BRWD1: variants seen among roughly 807,000 people sequenced by gnomAD.
BRWD1 encodes the protein bromodomain and WD repeat domain containing 1.
Under a neutral mutation model 251.2 loss-of-function variants are expected in BRWD1, and 82 were observed. That is an observed-to-expected ratio of 0.33 (90% CI 0.27 to 0.39). BRWD1 has a LOEUF of 0.39. Among genes scored for constraint, BRWD1 ranks in the 10% least tolerant of loss-of-function variants. BRWD1 has a pLI of 1.00. For missense variants in BRWD1, 2,233 were observed against 2,711.6 expected (o/e 0.82, Z 3.92); for synonymous variants, 918 against 902.8 (o/e 1.02, Z -0.30).
intron 29 of BRWD1, among the ~76,000 whole-genome samples, chr21:39,223,316 TA>T (rs1242824620): frequency 6.6e-6 from 1 of 152,058 alleles, no homozygotes; most frequent in African/African-American, 2.4e-5. Context: ...TAAAGTGCTA[TA>T]AAAAATGGAG....
At chr21:39,256,278 A>G (rs1244210959) in intron 18 of BRWD1, among the ~76,000 whole-genome samples, 2 of 152,240 alleles carry the variant, frequency 1.3e-5, no homozygotes, top group African/African-American at 4.8e-5. Flanking sequence ...CTTCTTAAAA[A>G]TTGCACACTA....
At chr21:39,289,774 CAGCACTTTGCGAGGCCGAGGCGG>C (rs2035750617) in intron 8 of BRWD1, among the ~76,000 whole-genome samples, 1 of 152,022 alleles carries the variant, frequency 6.6e-6, no homozygotes, top group Non-Finnish European at 1.5e-5. Flanking sequence ...CCTGTAATCC[CAGCACTTTGCGAGGCCGAGGCGG>C]GCGGATCATG....
At position 39,232,294 on chromosome 21, in the gene BRWD1, G is replaced by A; in HGVS notation, c.2893-10C>T. On this transcript the variant is annotated splice_polypyrimidine_tract_variant and intron_variant, in intron 24 of 40. Transcript: ENST00000342449. ...GTCGAAAATATATTACCTACAAAAG[G>A]GAAATATGCATTTAAAAATTAAGAG... The A allele has an allele frequency of 6.2e-7, 1 of 1,602,972 alleles. No homozygotes were observed. The highest frequency in any genetic ancestry group is 1.1e-5 in the South Asian group (1 of 88,694).
At chr21:39,227,245 C>A (rs1157100738) in intron 27 of BRWD1, among the ~76,000 whole-genome samples, 1 of 152,182 alleles carries the variant, frequency 6.6e-6, no homozygotes, top group Non-Finnish European at 1.5e-5. Flanking sequence ...CCAGATGACA[C>A]AGCCTGGGTA....
chr21:39,318,471 A>C (rs12151994), upstream of BRWD1, among the ~76,000 whole-genome samples: 46,530 of 152,074 alleles, frequency 0.31, 7,582 homozygotes, highest in Middle Eastern at 0.36. Flanking sequence ...CAACATCAGC[A>C]TACCTCTGAA....
Position 39,189,401 on chromosome 21 carries a change from A to T in BRWD1, c.*6858T>A. 1.0e-6 allele frequency: 1 copy of T among 974,154 alleles called. No homozygotes were observed. Among genetic ancestry groups the T allele is most frequent in the Non-Finnish European group, 1.2e-6 (1 of 819,706 alleles). The allele number at this position is 974,154 out of a possible 1,614,324, so 60.3% of individuals were successfully genotyped here. ...AAAGTACCTATACTGACAATTTAGG[A>T]ACCTAGTAAATACTAATTCTAACAC... On this transcript the variant is annotated 3_prime_UTR_variant, in exon 41 of 41. Transcript: ENST00000342449.
At chr21:39,236,555 A>G in intron 23 of BRWD1, 40 bp downstream of exon 23, 4 of 1,458,616 alleles carry the variant, frequency 2.7e-6, no homozygotes, top group Non-Finnish European at 3.7e-6. Context: ...AAGCTGGGGT[A>G]TCATGATACA....
At position 39,197,869 on chromosome 21, in the gene BRWD1, C is replaced by T. The variant is rs1481913169; in HGVS notation, c.5654-454G>A. ...CTAAGCAATGGAAATTTTTAACCTT[C>T]ATTATAATCTTATGAGACCACCACT... On this transcript the variant is annotated intron_variant, in intron 40 of 40. Coordinates refer to ENST00000342449, the MANE Select transcript of BRWD1 (RefSeq NM_033656.4). 3.3e-5 allele frequency among the ~76,000 whole-genome samples: 5 copies of T among 152,168 alleles called. 1 individual carries two copies. The South Asian group carries it at 8.3e-4, about 25-fold the overall frequency.
At chr21:39,297,215 A>C (rs2035984775) in intron 5 of BRWD1, 3 of 985,330 alleles carry the variant, frequency 3.0e-6, no homozygotes, top group Non-Finnish European at 3.6e-6. Flanking sequence ...TCATAACTCA[A>C]AGAAGAAAGG....
chr21:39,249,373 A>G (rs938047637), intron 20 of BRWD1, among the ~76,000 whole-genome samples: 1 of 152,232 alleles, frequency 6.6e-6, no homozygotes, highest in African/African-American at 2.4e-5. Flanking sequence ...TTAATGTTCA[A>G]ATATTAACTG....
At chr21:39,201,225 C>A (rs2032095009) in intron 38 of BRWD1, among the ~76,000 whole-genome samples, 1 of 152,108 alleles carries the variant, frequency 6.6e-6, no homozygotes, top group Non-Finnish European at 1.5e-5. Context: ...TACCAAAATA[C>A]TAGACACCAA....
intron 21 of BRWD1, among the ~76,000 whole-genome samples, chr21:39,244,231 A>T (rs1364121912): frequency 6.6e-6 from 1 of 151,838 alleles, no homozygotes; most frequent in Non-Finnish European, 1.5e-5. Flanking sequence ...TGCCTGGCTA[A>T]TTTTTTGTAT....
At position 39,186,673 on chromosome 21, in the gene BRWD1, GTTCAC is replaced by G. The variant is rs71330348; in HGVS notation, c.*9581_*9585del. ...GCATCAGGTTAAGATTTTGAAATTT[GTTCAC>G]TTCAAGTTCTTCCTAGCCTGTACAC... On this transcript the variant is annotated 3_prime_UTR_variant, in exon 41 of 41. Coordinates refer to ENST00000342449, the MANE Select transcript of BRWD1 (RefSeq NM_033656.4). The G allele has an allele frequency of 0.3, 50,100 of 165,844 alleles. 8,021 individuals carry two copies. Among genetic ancestry groups the G allele is most frequent in the Middle Eastern group, 0.36 (131 of 364 alleles). 10.3% of individuals were successfully genotyped at this position (165,844 alleles called of 1,614,324 possible).
chr21:39,269,742 A>G (rs1568934527), intron 15 of BRWD1, among the ~76,000 whole-genome samples, 157 bp downstream of exon 15: 1 of 152,178 alleles, frequency 6.6e-6, no homozygotes. Flanking sequence ...ATGTACGTAT[A>G]TACATGTAGC....
intron 23 of BRWD1, chr21:39,235,768 C>A: frequency 5.6e-6 from 1 of 178,634 alleles, no homozygotes; most frequent in South Asian, 1.3e-4. Context: ...ACATGAGCAC[C>A]CAGCAGGGCA....
chr21:39,235,651 C>A, intron 23 of BRWD1: 1 of 219,462 alleles, frequency 4.6e-6, no homozygotes, highest in South Asian at 8.3e-5. Flanking sequence ...AAATTCTTTC[C>A]CCAAGTCGGC....
chr21:39,313,910 A>G (rs922128713), upstream of BRWD1: 67 of 315,986 alleles, frequency 2.1e-4, 2 homozygotes, highest in East Asian at 1.6e-3. Context: ...GTGAGGCGGC[A>G]GCGCGACGCC....
Position 39,192,564 on chromosome 21 carries a change from A to T in BRWD1, c.*3695T>A, listed in dbSNP as rs1568847979. 2 of 984,156 alleles carry T rather than the reference A, an allele frequency of 2.0e-6. No homozygotes were observed. Among genetic ancestry groups the T allele is most frequent in the African/African-American group, 3.5e-5 (2 of 57,204 alleles). 61.0% of individuals were successfully genotyped at this position (984,156 alleles called of 1,614,324 possible). A position where few individuals can be genotyped will look rare whatever the true frequency, so the allele number is the denominator to read the frequency against. On this transcript the variant is annotated 3_prime_UTR_variant, in exon 41 of 41. Transcript: ENST00000342449. Reference sequence around the variant, plus strand: ...ATCACATTAAAATAATTGAACTATAATTTCCATACAACATAAGAAAACTAC... The same window carrying T: ...ATCACATTAAAATAATTGAACTATATTTTCCATACAACATAAGAAAACTAC...
At position 39,195,222 on chromosome 21, in the gene BRWD1, G is replaced by A; in HGVS notation, c.*1037C>T. 1.1e-5 allele frequency: 11 copies of A among 1,035,904 alleles called. No homozygotes were observed. Among genetic ancestry groups the A allele is most frequent in the Non-Finnish European group, 1.3e-5 (11 of 861,856 alleles). The allele number at this position is 1,035,904 out of a possible 1,614,324, so 64.2% of individuals were successfully genotyped here. On this transcript the variant is annotated 3_prime_UTR_variant, in exon 41 of 41. Transcript: ENST00000342449. ...CAGTAAACTAAAACAAAGAGATGGA[G>A]AATGACATTTAGCTATTTTCCTATA... is the stretch of plus-strand genomic sequence containing the variant.
Sources: allele counts gnomAD v4.1 joint callset (sites outside exome capture counted in the v4.1 genomes callset), GRCh38; gene constraint gnomAD v4.1.1; transcripts MANE v1.5; gene names NCBI Gene and HGNC (gene_info 2026-07-23, HGNC 2026-07-21).